DNMT1: variants seen among roughly 807,000 people sequenced by gnomAD.
The protein encoded by DNMT1 is DNA methyltransferase 1, also known as DNA (cytosine-5)-methyltransferase 1.
A neutral mutation model predicts 205.3 loss-of-function variants in DNMT1; 24 were observed. The observed-to-expected ratio is 0.12, with a 90% CI of 0.08 to 0.16. DNMT1 has a LOEUF of 0.16. Among genes scored for constraint, DNMT1 ranks in the 10% least tolerant of loss-of-function variants. The pLI is 1.00. For synonymous variants in DNMT1, 817 were observed against 839.8 expected (o/e 0.97, Z 0.47); for missense variants, 1,293 against 2,177.7 (o/e 0.59, Z 8.09).
rs199546819 is a variant in DNMT1, at chr19:10,142,229, G to A, written c.3117-9C>T. ...TGTGGGTGTTCTCAGGCCTGCGAGC[G>A]GGAGAGGCCTCGTTAGGAGCTCTCC... On this transcript the variant is annotated splice_polypyrimidine_tract_variant and intron_variant, in intron 29 of 40. Coordinates refer to ENST00000359526, the MANE Select transcript of DNMT1 (RefSeq NM_001130823.3). 2.0e-4 allele frequency: 316 copies of A among 1,613,846 alleles called. 2 individuals carry two copies. Among genetic ancestry groups the A allele is most frequent in the Non-Finnish European group, 2.3e-4 (271 of 1,180,014 alleles).
intron 24 of DNMT1, among the ~76,000 whole-genome samples, chr19:10,150,279 G>C (rs1305983203): frequency 2.6e-5 from 4 of 152,156 alleles, no homozygotes. Context: ...GGTCTGTAAG[G>C]CCACAGCCTG....
Position 10,175,423 on chromosome 19 carries a change from G to A in DNMT1, c.648+117C>T, listed in dbSNP as rs985582435. 180 of 1,135,424 alleles carry A rather than the reference G, an allele frequency of 1.6e-4. 1 individual carries two copies. The highest frequency in any genetic ancestry group is 4.0e-4 in the Middle Eastern group (2 of 4,990). 70.3% of individuals were successfully genotyped at this position (1,135,424 alleles called of 1,614,324 possible). ...TCTATTGGTCCTGTCTCTCTGGAGA[G>A]CCCTAAATAGAGCCCTAGACAGGGT... On this transcript the variant is annotated intron_variant, in intron 7 of 40. Transcript: ENST00000359526.
intron 27 of DNMT1, among the ~76,000 whole-genome samples, chr19:10,148,462 C>T (rs1380702094): frequency 6.7e-6 from 1 of 148,224 alleles, no homozygotes; most frequent in African/African-American, 2.5e-5. Context: ...CACCACTGCA[C>T]TCCAGCCTGG....
chr19:10,180,867 A>G lies in DNMT1; in HGVS notation c.136T>C (p.Leu46=). 1 of 1,614,180 alleles carries G rather than the reference A, an allele frequency of 6.2e-7. No homozygotes were observed. The highest frequency in any genetic ancestry group is 8.5e-7 in the Non-Finnish European group (1 of 1,180,024). ...LTEKECVKEK[L]NLLHEFLQTE... ...TGCAGAAATTCGTGCAAGAGATTCA[A>G]TTTCTCCTTCACACATTCCTAAGGG... Residue 46 remains leucine, a synonymous_variant, in exon 3 of 41, where the codon TTG becomes CTG. Coordinates refer to ENST00000359526, the MANE Select transcript of DNMT1 (RefSeq NM_001130823.3).
At chr19:10,158,824 G>A (rs2038509336) in intron 17 of DNMT1, among the ~76,000 whole-genome samples, 1 of 152,198 alleles carries the variant, frequency 6.6e-6, no homozygotes, top group South Asian at 2.1e-4. Flanking sequence ...CCGAGCCCTG[G>A]TAATGGTGTC....
chr19:10,157,386 G>C lies in DNMT1; in HGVS notation c.1281-877C>G, dbSNP rs557366794. ...GAAGGAAGGACTTCTGCCTCCTTTT[G>C]GGCATAAATCTCAAACACCTGCGGC... On this transcript the variant is annotated intron_variant, in intron 17 of 40. Coordinates refer to ENST00000359526, the MANE Select transcript of DNMT1 (RefSeq NM_001130823.3). 2.0e-5 allele frequency among the ~76,000 whole-genome samples: 3 copies of C among 152,280 alleles called. No homozygotes were observed. The South Asian group carries it at 6.2e-4, about 32-fold the overall frequency.
In DNMT1 at chr19:10,141,283, T is replaced by C. The variant is rs201027909; in HGVS notation, c.3310-94A>G. 3.1e-5 allele frequency: 41 copies of C among 1,338,720 alleles called. No individual in the cohort carries two copies. In the East Asian group the frequency reaches 4.4e-4, roughly 14 times the overall value. The allele number at this position is 1,338,720 out of a possible 1,614,324, so 82.9% of individuals were successfully genotyped here. A position where few individuals can be genotyped will look rare whatever the true frequency, so the allele number is the denominator to read the frequency against. The stretch of plus-strand genomic sequence containing the variant: ...AGAAGGCAATTTGATAGTCACTTAA[T>C]TTCTCCCTCAGTGGGGCCATGACCA... On this transcript the variant is annotated intron_variant, in intron 30 of 40. Transcript: ENST00000359526.
At chr19:10,163,446 G>A (rs1423392464) in intron 11 of DNMT1, 86 bp from the exon 12 acceptor site, 2 of 1,391,786 alleles carry the variant, frequency 1.4e-6, no homozygotes, top group East Asian at 2.3e-5. Context: ...TGCAAACACT[G>A]AAGTTACAGG....
In DNMT1 at chr19:10,163,370, A is replaced by C. The variant is rs1458029074; in HGVS notation, c.892-10T>G. 1 of 1,613,654 alleles carries C rather than the reference A, an allele frequency of 6.2e-7. No homozygotes were observed. Among genetic ancestry groups the C allele is most frequent in the African/African-American group, 1.3e-5 (1 of 74,922 alleles). On this transcript the variant is annotated splice_polypyrimidine_tract_variant and intron_variant, in intron 11 of 40. Transcript: ENST00000359526. Reference sequence around the variant, plus strand: ...TGTGCTTCTTCTCATCCTGACAGAAAAATAAGGGGGAGGTAGAGAGATAAA... The same window carrying C: ...TGTGCTTCTTCTCATCCTGACAGAACAATAAGGGGGAGGTAGAGAGATAAA...
chr19:10,167,671 A>G (rs1252892415), intron 10 of DNMT1, among the ~76,000 whole-genome samples: 5 of 152,200 alleles, frequency 3.3e-5, no homozygotes, highest in African/African-American at 1.2e-4. Context: ...AGCTGTAGAC[A>G]AGTGAGCTTG....
At chr19:10,149,342 C>CAAA (rs906604867) in intron 26 of DNMT1, 111 bp downstream of exon 26, 2 of 1,042,538 alleles carry the variant, frequency 1.9e-6, no homozygotes, top group Non-Finnish European at 1.4e-6. Flanking sequence ...AAAAAAAAAA[C>CAAA]AAAAAAAAAA....
Position 10,138,096 on chromosome 19 carries a change from T to C in DNMT1, c.4116-87A>G. Reference sequence around the variant, plus strand: ...AGGTGCCACCCCCTGCCTGCTCAGATGGCCTTCTCCCGAGATCACAGCACT... The same window carrying C: ...AGGTGCCACCCCCTGCCTGCTCAGACGGCCTTCTCCCGAGATCACAGCACT... On this transcript the variant is annotated intron_variant, in intron 35 of 40. Transcript: ENST00000359526. The surrounding 1 kb of genome is among the most constrained non-coding windows in gnomAD (Gnocchi z 4.1). The C allele has an allele frequency of 6.8e-7, 1 of 1,476,838 alleles. No individual in the cohort carries two copies. Among genetic ancestry groups the C allele is most frequent in the African/African-American group, 1.4e-5 (1 of 72,166 alleles). 91.5% of individuals were successfully genotyped at this position (1,476,838 alleles called of 1,614,324 possible).
intron 1 of DNMT1, among the ~76,000 whole-genome samples, chr19:10,187,773 C>T (rs145138578): frequency 1.6e-4 from 25 of 151,942 alleles, no homozygotes; most frequent in South Asian, 4.2e-4. Flanking sequence ...GAGGCTGAGG[C>T]GGGAGGATCA....
chr19:10,172,958 G>A (rs935999876), intron 9 of DNMT1, 132 bp downstream of exon 9: 1 of 1,020,016 alleles, frequency 9.8e-7, no homozygotes, highest in Non-Finnish European at 1.5e-6. Context: ...AAAGTCAAAG[G>A]CATTTCGATC....
rs1184384000 is a variant in DNMT1, at chr19:10,133,381, CA to C, written c.*285del. The C allele has an allele frequency of 2.0e-6, 1 of 502,432 alleles. No homozygotes were observed. Among genetic ancestry groups the C allele is most frequent in the African/African-American group, 1.9e-5 (1 of 52,366 alleles). The allele number at this position is 502,432 out of a possible 1,614,324, so 31.1% of individuals were successfully genotyped here. A position where few individuals can be genotyped will look rare whatever the true frequency, so the allele number is the denominator to read the frequency against. On this transcript the variant is annotated 3_prime_UTR_variant, in exon 41 of 41. Coordinates refer to ENST00000359526, the MANE Select transcript of DNMT1 (RefSeq NM_001130823.3). The surrounding 1 kb of genome is among the most constrained non-coding windows in gnomAD (Gnocchi z 4.1). ...GAGAGATTTATTTGAAGAAATATTACAACATATAAAAACTACATAAAGTCTT... is the reference window on the plus strand; with the variant it reads ...GAGAGATTTATTTGAAGAAATATTACACATATAAAAACTACATAAAGTCTT...
At chr19:10,148,823 G>A (rs2038263827) in intron 27 of DNMT1, 61 bp downstream of exon 27, 1 of 1,612,790 alleles carries the variant, frequency 6.2e-7, no homozygotes. Context: ...AAGCACACGG[G>A]AAAAGGGAGT....
chr19:10,140,547 C>G lies in DNMT1; in HGVS notation c.3524-219G>C. ...ACCACGCCCAGCTAATTTTTGTATT[C>G]TTATTAGAGACGGGGTTTCACCATG... On this transcript the variant is annotated intron_variant, in intron 32 of 40. Transcript: ENST00000359526. The surrounding 1 kb of genome is among the most constrained non-coding windows in gnomAD (Gnocchi z 8.4). 4 of 907,046 alleles carry G rather than the reference C, an allele frequency of 4.4e-6. No individual in the cohort carries two copies. The highest frequency in any genetic ancestry group is 6.6e-6 in the Non-Finnish European group (4 of 602,622). The allele number at this position is 907,046 out of a possible 1,614,324, so 56.2% of individuals were successfully genotyped here.
At chr19:10,144,411 GAAAA>G in intron 28 of DNMT1, 4 of 175,578 alleles carry the variant, frequency 2.3e-5, no homozygotes, top group South Asian at 2.0e-4. Context: ...CCATCTCACA[GAAAA>G]AAAAAAAAAA....
intron 1 of DNMT1, among the ~76,000 whole-genome samples, chr19:10,188,427 C>A (rs1360643399): frequency 6.6e-6 from 1 of 152,002 alleles, no homozygotes. Context: ...GTAATCCCAG[C>A]TACTCAAGAG....
Sources: gnomAD v4.1 joint callset for allele counts (sites outside exome capture counted in the v4.1 genomes callset) on GRCh38, gnomAD v4.1.1 for gene constraint, Gnocchi (gnomAD v3.1) non-coding constraint, MANE v1.5 for transcripts, NCBI Gene and HGNC (gene_info 2026-07-23, HGNC 2026-07-21) for gene names.